Variants in ZZEF1 observed in about 807,000 individuals in gnomAD.
ZZEF1 encodes zinc finger ZZ-type and EF-hand domain containing 1, also known as zinc finger ZZ-type and EF-hand domain-containing protein 1.
ZZEF1 carries 157 observed loss-of-function variants against 342.8 expected under a neutral mutation model. The observed-to-expected ratio is 0.46, with a 90% CI of 0.40 to 0.52. The LOEUF is 0.52. Ranked by LOEUF, ZZEF1 falls within the 20% of genes least tolerant of loss-of-function variation. The pLI is 0.00. For synonymous variants in ZZEF1, 1,505 were observed against 1,429.1 expected (o/e 1.05, Z -1.20); for missense variants, 3,480 against 3,725.6 (o/e 0.93, Z 1.72).
chr17:4,106,459 A>G (rs1022744344), intron 6 of ZZEF1, among the ~76,000 whole-genome samples: 1 of 149,374 alleles, frequency 6.7e-6, no homozygotes, highest in Non-Finnish European at 1.5e-5. Context: ...TTTATTTTAT[A>G]ATTTGTTCAG....
In ZZEF1 at chr17:4,027,286, C is replaced by CTTTTTTTTTTTTTTTTTTTTT. The variant is rs1179743466; in HGVS notation, c.6893-2189_6893-2169dup. Among the ~76,000 whole-genome samples, 3 of 67,998 alleles carry CTTTTTTTTTTTTTTTTTTTTT rather than the reference C, an allele frequency of 4.4e-5. 1 individual carries two copies. Among genetic ancestry groups the CTTTTTTTTTTTTTTTTTTTTT allele is most frequent in the African/African-American group, 2.0e-4 (3 of 14,908 alleles). 44.6% of individuals were successfully genotyped at this position (67,998 alleles called of 152,430 possible). ...GACCTACGCACCCAGCAATATCTCACTTTTTTTTTTTTTTTTTTTTTTTTT... is the reference window on the plus strand; with the variant it reads ...GACCTACGCACCCAGCAATATCTCACTTTTTTTTTTTTTTTTTTTTTTTTTTTTTTTTTTTTTTTTTTTTTT... On this transcript the variant is annotated intron_variant, in intron 42 of 54. Transcript: ENST00000381638.
chr17:4,086,956 C>T (rs2057843106), intron 14 of ZZEF1, among the ~76,000 whole-genome samples: 2 of 152,182 alleles, frequency 1.3e-5, no homozygotes, highest in Admixed American at 6.5e-5. Context: ...GATCTCAGCT[C>T]ACTGCATCTC....
chr17:4,076,437 C>T (rs187715717), intron 21 of ZZEF1, 200 bp downstream of exon 21: 39 of 567,368 alleles, frequency 6.9e-5, no homozygotes, highest in African/African-American at 4.9e-4. Flanking sequence ...CCGGCCTCTG[C>T]GTCTCCTTTC....
At position 4,050,818 on chromosome 17, in the gene ZZEF1, G is replaced by A. The variant is rs756237150; in HGVS notation, c.5826C>T (p.Leu1942=). 23 of 1,614,002 alleles carry A rather than the reference G, an allele frequency of 1.4e-5. No individual in the cohort carries two copies. The African/African-American group carries it at 2.0e-4, about 14-fold the overall frequency. The change falls in exon 36 of 55, where the codon CTC becomes CTT. Residue 1942 remains leucine, a synonymous_variant. Transcript: ENST00000381638. The part of the protein sequence containing the change: ...ATTLRSQCMQ[L]VGDCLMKAHQ... ...GAGCCTTCATCAGACAGTCCCCGAC[G>A]AGCTGCATGCACTGGCTCCGCAGGG...
chr17:4,036,815 ACACTCTCTCT>A (rs1238139664), intron 39 of ZZEF1, among the ~76,000 whole-genome samples: 1,671 of 78,670 alleles, frequency 0.021, 40 homozygotes, highest in African/African-American at 0.12. Flanking sequence ...ACACACACAC[ACACTCTCTCT>A]CTCTCTCTCT....
intron 1 of ZZEF1, among the ~76,000 whole-genome samples, chr17:4,126,712 T>C (rs1400694961): frequency 1.3e-5 from 2 of 152,080 alleles, no homozygotes; most frequent in African/African-American, 2.4e-5. Context: ...TCCAGCACCT[T>C]GGGAGGCCAA....
chr17:4,117,191 G>T (rs1415241416), intron 2 of ZZEF1, 25 bp from the exon 3 acceptor site: 13 of 1,584,870 alleles, frequency 8.2e-6, no homozygotes, highest in Non-Finnish European at 1.1e-5. Flanking sequence ...TCCATTTTTG[G>T]TGTTTTGGGG....
At chr17:4,082,999 C>A (rs1231240150) in intron 16 of ZZEF1, among the ~76,000 whole-genome samples, 2 of 152,186 alleles carry the variant, frequency 1.3e-5, no homozygotes, top group African/African-American at 4.8e-5. Context: ...TGCTCTTGAA[C>A]TCCTGACCTC....
chr17:4,081,616 G>A (rs1318181659), intron 17 of ZZEF1, 126 bp from the exon 18 acceptor site: 2 of 770,466 alleles, frequency 2.6e-6, no homozygotes. Flanking sequence ...GAGGAGTTTG[G>A]GTCAGGAATA....
At position 4,009,618 on chromosome 17, in the gene ZZEF1, C is replaced by T. The variant is rs1162933771; in HGVS notation, c.8719G>A (p.Glu2907Lys). The T allele has an allele frequency of 2.5e-6, 4 of 1,613,584 alleles. No individual in the cohort carries two copies. Among genetic ancestry groups the T allele is most frequent in the South Asian group, 2.2e-5 (2 of 91,058 alleles). ...TCAGGCCTCACCTGGGCACGGTTCT[C>T]GGTGACGAAGAAGAGCTCAGTGAGG... ...RALTELFFVT[E>K]NRAQELGVLQ... Residue 2907 changes from glutamate to lysine, a missense_variant, in exon 53 of 55, where the codon GAG becomes AAG. Around this residue, in one of 5 missense-constraint regions of ZZEF1, gnomAD observed 1,269 missense variants for 1,342.4 expected, o/e 0.95. Transcript: ENST00000381638.
chr17:4,056,429 G>A (rs1413489126), intron 32 of ZZEF1, 84 bp from the exon 33 acceptor site: 15 of 1,369,994 alleles, frequency 1.1e-5, no homozygotes, highest in Non-Finnish European at 1.4e-5. Flanking sequence ...GTGTCTATAG[G>A]TCTATTATAT....
chr17:4,120,247 C>T (rs1248919079), intron 2 of ZZEF1, among the ~76,000 whole-genome samples: 1 of 151,906 alleles, frequency 6.6e-6, no homozygotes, highest in Non-Finnish European at 1.5e-5. Flanking sequence ...ATTCCAGCTA[C>T]TCGGGAGGCT....
At chr17:4,080,171 T>G (rs2145324356) in intron 18 of ZZEF1, among the ~76,000 whole-genome samples, 1 of 152,300 alleles carries the variant, frequency 6.6e-6, no homozygotes, top group South Asian at 2.1e-4. Context: ...ATATCCCAAG[T>G]GACTGATCCA....
intron 18 of ZZEF1, among the ~76,000 whole-genome samples, chr17:4,078,433 C>T (rs2057663788): frequency 6.6e-6 from 1 of 152,218 alleles, no homozygotes; most frequent in African/African-American, 2.4e-5. Context: ...CTAACCATCA[C>T]CTTTGTTCTC....
Position 4,044,487 on chromosome 17 carries a change from T to C in ZZEF1, c.6016-113A>G, listed in dbSNP as rs973814558. 6.4e-6 allele frequency: 6 copies of C among 936,278 alleles called. No individual in the cohort carries two copies. In the Admixed American group the frequency reaches 1.2e-4, roughly 18 times the overall value. 58.0% of individuals were successfully genotyped at this position (936,278 alleles called of 1,614,324 possible). ...CTTCATAGACTAAAAAACTTTTGAA[T>C]GCCATTAGAAAATGCCACTCATTTC... On this transcript the variant is annotated intron_variant, in intron 37 of 54. Coordinates refer to ENST00000381638, the MANE Select transcript of ZZEF1 (RefSeq NM_015113.4).
rs35907843 is a variant in ZZEF1 at position 4,083,637 on chromosome 17, CTT to C, written c.2647-1135_2647-1134del. Among the ~76,000 whole-genome samples the C allele has an allele frequency of 1.1e-3, 132 of 118,624 alleles. 1 individual carries two copies. Among genetic ancestry groups the C allele is most frequent in the East Asian group, 4.9e-3 (19 of 3,872 alleles). 77.8% of individuals were successfully genotyped at this position (118,624 alleles called of 152,430 possible). ...GGGACCACATTTTATGCTTTTGTTC[CTT>C]TTTTTTTTTTTTTTTTGAGACGGAA... On this transcript the variant is annotated intron_variant, in intron 16 of 54. Coordinates refer to ENST00000381638, the MANE Select transcript of ZZEF1 (RefSeq NM_015113.4).
intron 21 of ZZEF1, chr17:4,076,083 C>A (rs1029714565): frequency 6.6e-6 from 1 of 151,656 alleles, no homozygotes; most frequent in Non-Finnish European, 1.5e-5. Context: ...TATATAACTT[C>A]ATCAACTATA....
chr17:4,028,833 T>A (rs137873234), intron 42 of ZZEF1, among the ~76,000 whole-genome samples: 6 of 152,356 alleles, frequency 3.9e-5, no homozygotes, highest in Non-Finnish European at 8.8e-5. Flanking sequence ...CCACGAATTT[T>A]GCTATCTGTG....
chr17:4,054,281 TG>T, intron 33 of ZZEF1, 86 bp from the exon 34 acceptor site: 1 of 1,428,718 alleles, frequency 7.0e-7, no homozygotes, highest in African/African-American at 1.4e-5. Flanking sequence ...CACTAGGTAC[TG>T]AAGATGTTCC....
Sources: gnomAD v4.1 joint callset for allele counts (sites outside exome capture counted in the v4.1 genomes callset) on GRCh38, gnomAD v4.1.1 for gene constraint, gnomAD v4.1.1 regional missense constraint, MANE v1.5 for transcripts, NCBI Gene and HGNC (gene_info 2026-07-23, HGNC 2026-07-21) for gene names.